MMP1: variants seen among roughly 807,000 people sequenced by gnomAD.
MMP1 encodes matrix metallopeptidase 1.
In MMP1, 51 loss-of-function variants were observed where a neutral mutation model predicts 49.6. The ratio of observed to expected loss-of-function variants is 1.03; its 90% CI spans 0.82 to 1.30. The LOEUF is 1.30. Ranked by LOEUF, MMP1 falls within the 50% of genes most tolerant of loss-of-function variation. MMP1 has a pLI of 0.00. For synonymous variants in MMP1, 230 were observed against 196.8 expected (o/e 1.17, Z -1.41); for missense variants, 623 against 568.7 (o/e 1.10, Z -0.97).
chr11:102,793,522 A>G (rs574550980), intron 6 of MMP1, among the ~76,000 whole-genome samples: 9 of 152,200 alleles, frequency 5.9e-5, no homozygotes, highest in Admixed American at 3.3e-4. Flanking sequence ...GGCTGTGCAC[A>G]TTACCAACTG....
chr11:102,797,165 T>C lies in MMP1; in HGVS notation c.351-3A>G. ...AATCTGGCGTGTAATTTTCAATCCTTAGAATGAAACAAAATAGAGACACAT... is the reference window on the plus strand; with the variant it reads ...AATCTGGCGTGTAATTTTCAATCCTCAGAATGAAACAAAATAGAGACACAT... On this transcript the variant is annotated splice_polypyrimidine_tract_variant and splice_region_variant and intron_variant, in intron 2 of 9. Transcript: ENST00000315274. The C allele has an allele frequency of 6.2e-7, 1 of 1,613,994 alleles. No homozygotes were observed. The highest frequency in any genetic ancestry group is 1.3e-5 in the African/African-American group (1 of 75,052).
chr11:102,792,484 TG>T (rs1858056736), intron 7 of MMP1, 120 bp downstream of exon 7: 2 of 969,650 alleles, frequency 2.1e-6, no homozygotes, highest in Admixed American at 5.0e-5. Flanking sequence ...TTGATTTGGT[TG>T]GTGAGACTGA....
At position 102,796,956 on chromosome 11, in the gene MMP1, T is replaced by C. The variant is rs1426576927; in HGVS notation, c.499+58A>G. Reference sequence around the variant, plus strand: ...TTCATCTTAAACAATCAATTCCAGTTGCAAAGCTACGAGATCTAGGGGCAA... The same window carrying C: ...TTCATCTTAAACAATCAATTCCAGTCGCAAAGCTACGAGATCTAGGGGCAA... On this transcript the variant is annotated intron_variant, in intron 3 of 9. Coordinates refer to ENST00000315274, the MANE Select transcript of MMP1 (RefSeq NM_002421.4). 1.0e-5 allele frequency: 16 copies of C among 1,563,878 alleles called. No individual in the cohort carries two copies. In the East Asian group the frequency reaches 3.4e-4, roughly 33 times the overall value.
At chr11:102,791,596 C>G in intron 7 of MMP1, 101 bp from the exon 8 acceptor site, 1 of 1,266,736 alleles carries the variant, frequency 7.9e-7, no homozygotes, top group South Asian at 1.4e-5. Context: ...AGTGCAGTAC[C>G]CTGGCTGCAG....
At chr11:102,796,509 C>T (rs575688157) in intron 4 of MMP1, among the ~76,000 whole-genome samples, 155 bp downstream of exon 4, 2 of 152,202 alleles carry the variant, frequency 1.3e-5, no homozygotes, top group Admixed American at 6.5e-5. Context: ...CAGAAAAGAC[C>T]GCTCTTTCAC....
chr11:102,796,150 C>A (rs759653151), intron 4 of MMP1, among the ~76,000 whole-genome samples: 16 of 152,112 alleles, frequency 1.1e-4, no homozygotes, highest in Non-Finnish European at 2.1e-4. Context: ...AGGGTTTCAC[C>A]ATATTGGTCA....
chr11:102,790,344 A>T lies in MMP1; in HGVS notation c.*68T>A. 1.1e-6 allele frequency: 1 copy of T among 874,548 alleles called. No homozygotes were observed. Among genetic ancestry groups the T allele is most frequent in the Non-Finnish European group, 1.8e-6 (1 of 547,924 alleles). The allele number at this position is 874,548 out of a possible 1,614,324, so 54.2% of individuals were successfully genotyped here. On this transcript the variant is annotated 3_prime_UTR_variant, in exon 10 of 10. Coordinates refer to ENST00000315274, the MANE Select transcript of MMP1 (RefSeq NM_002421.4). ...AGAGGTTAAAAATGACTGAGAAAATAGACAGTTCTTCAGGAAAACACCTTC... is the reference window on the plus strand; with the variant it reads ...AGAGGTTAAAAATGACTGAGAAAATTGACAGTTCTTCAGGAAAACACCTTC...
At position 102,797,505 on chromosome 11, in the gene MMP1, C is replaced by T; in HGVS notation, c.106-5G>A. 1 of 1,613,158 alleles carries T rather than the reference C, an allele frequency of 6.2e-7. No homozygotes were observed. ...GTAGTATTTTTCCAGGTATTTCTGA[C>T]AAAAGAAAATTATCGAAACACTGCA... On this transcript the variant is annotated splice_region_variant and splice_polypyrimidine_tract_variant and intron_variant, in intron 1 of 9. Coordinates refer to ENST00000315274, the MANE Select transcript of MMP1 (RefSeq NM_002421.4).
intron 4 of MMP1, among the ~76,000 whole-genome samples, chr11:102,796,224 C>G (rs1858186420): frequency 6.6e-6 from 1 of 152,248 alleles, no homozygotes; most frequent in African/African-American, 2.4e-5. Context: ...GCTGGGATTA[C>G]AGGCATGAGC....
In MMP1 at chr11:102,797,160, A is replaced by G. The variant is rs1327491523; in HGVS notation, c.353T>C (p.Ile118Thr). The G allele has an allele frequency of 1.9e-6, 3 of 1,613,976 alleles. No homozygotes were observed. Among genetic ancestry groups the G allele is most frequent in the African/African-American group, 1.3e-5 (1 of 75,036 alleles). Residue 118 changes from isoleucine (I) to threonine (T), a missense_variant and splice_region_variant, in exon 3 of 10, where the codon ATT (isoleucine) becomes ACT (threonine). Transcript: ENST00000315274. The stretch of plus-strand genomic sequence containing the variant: ...TGGCAAATCTGGCGTGTAATTTTCA[A>G]TCCTTAGAATGAAACAAAATAGAGA... ...RWEQTHLTYR[I>T]ENYTPDLPRA... is the part of the protein sequence containing the mutation.
rs1858147393 is a variant in MMP1 at position 102,795,216 on chromosome 11, GC to G, written c.856del (p.Ala286LeufsTer2). ...KACDSKLTFD[A>X]ITTIRGEVMF... The stretch of plus-strand genomic sequence containing the variant: ...CACTTCTCCCCGAATCGTAGTTATA[GC>G]ATCAAAGGTTAGCTTACTGTCACAC... On this transcript the variant is annotated frameshift_variant, in exon 6 of 10. Coordinates refer to ENST00000315274, the MANE Select transcript of MMP1 (RefSeq NM_002421.4). LOFTEE classifies it high-confidence loss of function. 1 of 1,613,960 alleles carries G rather than the reference GC, an allele frequency of 6.2e-7. No individual in the cohort carries two copies. The highest frequency in any genetic ancestry group is 8.5e-7 in the Non-Finnish European group (1 of 1,179,976).
At position 102,795,571 on chromosome 11, in the gene MMP1, C is replaced by T. The variant is rs1858164552; in HGVS notation, c.662G>A (p.Gly221Asp). 2 of 1,613,490 alleles carry T rather than the reference C, an allele frequency of 1.2e-6. No individual in the cohort carries two copies. The highest frequency in any genetic ancestry group is 1.7e-6 in the Non-Finnish European group (2 of 1,179,848). ...AGAATGGGAGAGTCCAAGAGAATGG[C>T]CGAGTTCATGAGCTGCAACACGATG... Reference protein sequence around the residue: ...NLHRVAAHELGHSLGLSHSTD... With the variant: ...NLHRVAAHELDHSLGLSHSTD... Residue 221 changes from glycine to aspartate, a missense_variant, in exon 5 of 10, where the codon GGC becomes GAC. Gly to Asp is a moderately conservative substitution (Grantham distance 94). Coordinates refer to ENST00000315274, the MANE Select transcript of MMP1 (RefSeq NM_002421.4).
intron 7 of MMP1, among the ~76,000 whole-genome samples, chr11:102,791,818 C>T (rs75938401): frequency 1.3e-5 from 2 of 152,128 alleles, no homozygotes; most frequent in South Asian, 2.1e-4. Context: ...ATATAAACTT[C>T]GGTTCTCCAG....
intron 6 of MMP1, among the ~76,000 whole-genome samples, chr11:102,793,857 A>C (rs1041351773): frequency 6.6e-6 from 1 of 152,226 alleles, no homozygotes; most frequent in Non-Finnish European, 1.5e-5. Flanking sequence ...TCCAGATTCC[A>C]GGCCACAGGG....
At chr11:102,795,944 T>G (rs1299825860) in intron 4 of MMP1, among the ~76,000 whole-genome samples, 1 of 152,132 alleles carries the variant, frequency 6.6e-6, no homozygotes, top group Non-Finnish European at 1.5e-5. Flanking sequence ...CATTTAATAT[T>G]TTTCTTTTTC....
intron 9 of MMP1, 82 bp downstream of exon 9, chr11:102,790,621 T>C: frequency 7.5e-7 from 1 of 1,335,560 alleles, no homozygotes; most frequent in Non-Finnish European, 1.1e-6. Context: ...ACAGATATTT[T>C]TGGCATTTGC....
intron 8 of MMP1, among the ~76,000 whole-genome samples, 174 bp downstream of exon 8, chr11:102,791,159 G>A (rs17883560): frequency 6.6e-6 from 1 of 152,202 alleles, no homozygotes; most frequent in Non-Finnish European, 1.5e-5. Context: ...TCCCAGTGCA[G>A]GCATTGTGTG....
chr11:102,791,594 AC>A (rs1858034681), intron 7 of MMP1, 99 bp from the exon 8 acceptor site: 1 of 1,285,810 alleles, frequency 7.8e-7, no homozygotes, highest in East Asian at 2.3e-5. Context: ...CTAGTGCAGT[AC>A]CCTGGCTGCA....
rs756242331 is a variant in MMP1, at chr11:102,795,303, A to G, written c.782-12T>C. ...ATTTTGGGAACGTCCTAAGGAAAAT[A>G]AAATACCTAGAGTTAGTTTTGCCTA... On this transcript the variant is annotated splice_polypyrimidine_tract_variant and intron_variant, in intron 5 of 9. Transcript: ENST00000315274. 2.2e-5 allele frequency: 36 copies of G among 1,613,032 alleles called. No individual in the cohort carries two copies. The highest frequency in any genetic ancestry group is 2.9e-5 in the Non-Finnish European group (34 of 1,179,288).
Sources: allele counts gnomAD v4.1 joint callset (sites outside exome capture counted in the v4.1 genomes callset), GRCh38; gene constraint gnomAD v4.1.1; transcripts MANE v1.5; gene names NCBI Gene and HGNC (gene_info 2026-07-23, HGNC 2026-07-21).